AFAP1L1: variants seen among roughly 807,000 people sequenced by gnomAD.
The protein encoded by AFAP1L1 is actin filament-associated protein 1-like 1.
In AFAP1L1, 77 loss-of-function variants were observed where a neutral mutation model predicts 99.8. The observed-to-expected ratio is 0.77, with a 90% confidence interval of 0.64 to 0.93. AFAP1L1 has a LOEUF of 0.93. Ranked by LOEUF, AFAP1L1 falls within the 40% of genes least tolerant of loss-of-function variation. The pLI, the probability that AFAP1L1 is intolerant of heterozygous loss-of-function variation, is 0.00. For missense variants in AFAP1L1, 893 were observed against 996.8 expected, an observed-to-expected ratio of 0.90 and a Z score of 1.40; for synonymous variants, 373 against 395.3, an observed-to-expected ratio of 0.94 and a Z score of 0.67.
intron 9 of AFAP1L1, 161 bp from the exon 10 acceptor site, chr5:149,315,660 C>T: frequency 1.6e-6 from 1 of 638,616 alleles, no homozygotes; most frequent in South Asian, 1.8e-5. Context: ...GTTGTCTTTT[C>T]AATACCTGGT....
rs189072286 is a variant in AFAP1L1 at position 149,300,620 on chromosome 5, C to T, written c.229+266C>T. On this transcript the variant is annotated intron_variant, in intron 3 of 18. Coordinates refer to ENST00000296721, the MANE Select transcript of AFAP1L1 (RefSeq NM_152406.4). ...ATGGCACATTAGGGTGTTTCCTCAC[C>T]GGCCACTCCCAGGTGATTGCCACTT... 4.6e-5 allele frequency among the ~76,000 whole-genome samples: 7 copies of T among 152,362 alleles called. No individual in the cohort carries two copies. In the East Asian group the frequency reaches 9.6e-4, roughly 21 times the overall value.
Position 149,307,573 on chromosome 5 carries a change from G to C in AFAP1L1, c.707G>C (p.Trp236Ser). 1 of 1,613,206 alleles carries C rather than the reference G, an allele frequency of 6.2e-7. No individual in the cohort carries two copies. Among genetic ancestry groups the C allele is most frequent in the Non-Finnish European group, 8.5e-7 (1 of 1,180,022 alleles). ...CTGCGGAAAAAGCGTTTCGGGCAGT[G>C]GGCCAAGCAGCTGACGGTCATCAGG... Reference protein sequence around the residue: ...FLLRKKRFGQWAKQLTVIRED... With the variant: ...FLLRKKRFGQSAKQLTVIRED... The change falls in exon 7 of 19, where the codon TGG becomes TCG. Residue 236 changes from tryptophan (W) to serine (S), a missense_variant. Trp to Ser is a radical substitution (Grantham distance 177). Transcript: ENST00000296721.
At chr5:149,316,372 G>A (rs748785548) in intron 11 of AFAP1L1, 69 bp downstream of exon 11, 23 of 1,556,310 alleles carry the variant, frequency 1.5e-5, no homozygotes, top group Middle Eastern at 2.2e-4. Flanking sequence ...GCTGAGGCCA[G>A]GAGACCTCAT....
At chr5:149,283,501 A>AT (rs202160541) in intron 1 of AFAP1L1, among the ~76,000 whole-genome samples, 16 of 152,136 alleles carry the variant, frequency 1.1e-4, no homozygotes, top group East Asian at 9.7e-4. Flanking sequence ...TGATACAAAG[A>AT]TTTTTTTAAA....
At chr5:149,289,454 T>C (rs1389836152) in intron 1 of AFAP1L1, among the ~76,000 whole-genome samples, 1 of 142,836 alleles carries the variant, frequency 7.0e-6, no homozygotes, top group Non-Finnish European at 1.6e-5. Context: ...TGCAGCTGGG[T>C]TTTTTTTTTT....
chr5:149,310,193 A>G lies in AFAP1L1; in HGVS notation c.927+58A>G, dbSNP rs966486533. ...TCACCCTTTCTCTCTTCCCCAAGCC[A>G]GCCCTCAGTAGAGCTGGCTCCTGTC... On this transcript the variant is annotated intron_variant, in intron 8 of 18. Transcript: ENST00000296721. 1.4e-5 allele frequency: 21 copies of G among 1,493,770 alleles called. No individual in the cohort carries two copies. The African/African-American group carries it at 2.7e-4, about 19-fold the overall frequency. The allele number at this position is 1,493,770 out of a possible 1,614,324, so 92.5% of individuals were successfully genotyped here. A position where few individuals can be genotyped will look rare whatever the true frequency, so the allele number is the denominator to read the frequency against.
chr5:149,310,010 T>C lies in AFAP1L1; in HGVS notation c.802T>C (p.Cys268Arg), dbSNP rs1423042564. ...QPHLRLALDT[C>R]SIIYVPKDSR... ...ACATCTGAGGTTGGCACTGGATACC[T>C]GCAGCATCATCTACGTGCCCAAGGA... Residue 268 changes from cysteine (C) to arginine (R), a missense_variant, in exon 8 of 19, where the codon TGC (cysteine) becomes CGC (arginine). Cys to Arg is a radical substitution (Grantham distance 180, BLOSUM62 -3). Transcript: ENST00000296721. 1.2e-6 allele frequency: 2 copies of C among 1,614,242 alleles called. No individual in the cohort carries two copies. The highest frequency in any genetic ancestry group is 1.1e-5 in the South Asian group (1 of 91,084).
At chr5:149,273,549 G>A (rs1755206530) in intron 1 of AFAP1L1, among the ~76,000 whole-genome samples, 1 of 152,112 alleles carries the variant, frequency 6.6e-6, no homozygotes, top group African/African-American at 2.4e-5. Context: ...GGACTGGGAA[G>A]GGCAGGCAGG....
At chr5:149,291,544 A>G (rs1581300092) in intron 1 of AFAP1L1, among the ~76,000 whole-genome samples, 1 of 143,176 alleles carries the variant, frequency 7.0e-6, no homozygotes. Context: ...AAAAAAAAAA[A>G]AAAAAAGAAA....
intron 5 of AFAP1L1, among the ~76,000 whole-genome samples, chr5:149,305,566 C>T (rs1347485648): frequency 2.0e-5 from 3 of 152,156 alleles, no homozygotes; most frequent in Non-Finnish European, 4.4e-5. Flanking sequence ...TTTCAGACAA[C>T]TCCCAGGTGA....
In AFAP1L1 at chr5:149,335,723, G is replaced by A; in HGVS notation, c.2283+1G>A. On this transcript the variant is annotated splice_donor_variant, in intron 18 of 18. Transcript: ENST00000296721. LOFTEE classifies it high-confidence loss of function. ...AGGAAGGGTGCTACAGAAAGCCAAG[G>A]TAGAGCCATAGTTCTGCTCCTCAAA... 1 of 1,613,828 alleles carries A rather than the reference G, an allele frequency of 6.2e-7. No homozygotes were observed. The highest frequency in any genetic ancestry group is 8.5e-7 in the Non-Finnish European group (1 of 1,179,902).
At chr5:149,336,504 C>A (rs577006668) in intron 18 of AFAP1L1, among the ~76,000 whole-genome samples, 15 of 152,270 alleles carry the variant, frequency 9.9e-5, no homozygotes, top group Admixed American at 5.2e-4. Context: ...TATAAAGAAA[C>A]AGAATGTATT....
At chr5:149,334,449 T>A (rs1175713131) in intron 17 of AFAP1L1, among the ~76,000 whole-genome samples, 1 of 152,218 alleles carries the variant, frequency 6.6e-6, no homozygotes, top group Non-Finnish European at 1.5e-5. Flanking sequence ...TTAACATTCT[T>A]TGGAGATAAA....
chr5:149,322,895 A>G (rs1347143623), intron 15 of AFAP1L1, among the ~76,000 whole-genome samples, 178 bp downstream of exon 15: 2 of 152,184 alleles, frequency 1.3e-5, no homozygotes, highest in African/African-American at 4.8e-5. Flanking sequence ...GGCAGCTAGC[A>G]TGTGGCCTCA....
At chr5:149,279,499 G>T (rs781694505) in intron 1 of AFAP1L1, among the ~76,000 whole-genome samples, 2 of 151,220 alleles carry the variant, frequency 1.3e-5, no homozygotes, top group Admixed American at 6.6e-5. Context: ...TTTTTTAAAT[G>T]TACAGTACAT....
At chr5:149,291,542 AAAAAAAAAG>A (rs1170701634) in intron 1 of AFAP1L1, among the ~76,000 whole-genome samples, 76 of 142,824 alleles carry the variant, frequency 5.3e-4, no homozygotes, top group African/African-American at 7.8e-4. Context: ...AAAAAAAAAA[AAAAAAAAAG>A]AAAGAAAGAA....
At chr5:149,329,559 C>T in intron 15 of AFAP1L1, 107 bp from the exon 16 acceptor site, 1 of 1,165,878 alleles carries the variant, frequency 8.6e-7, no homozygotes, top group Non-Finnish European at 1.2e-6. Flanking sequence ...CTAAATATTT[C>T]CATTTCATAG....
intron 8 of AFAP1L1, 56 bp downstream of exon 8, chr5:149,310,191 C>T (rs545656591): frequency 2.7e-6 from 4 of 1,506,358 alleles, no homozygotes; most frequent in South Asian, 1.3e-5. Flanking sequence ...CTTCCCCAAG[C>T]CAGCCCTCAG....
intron 7 of AFAP1L1, 122 bp from the exon 8 acceptor site, chr5:149,309,834 C>A (rs1209768445): frequency 1.6e-6 from 2 of 1,233,068 alleles, no homozygotes; most frequent in African/African-American, 1.5e-5. Context: ...GTGCCCATGG[C>A]TAGGCTGGGT....
Sources: gnomAD v4.1 joint callset for allele counts (sites outside exome capture counted in the v4.1 genomes callset) on GRCh38, gnomAD v4.1.1 for gene constraint, MANE v1.5 for transcripts, NCBI Gene and HGNC (gene_info 2026-07-23, HGNC 2026-07-21) for gene names.